Variants in HS3ST5 observed in about 807,000 individuals in gnomAD.
HS3ST5 encodes the protein heparan sulfate glucosamine 3-O-sulfotransferase 5.
Under a neutral mutation model 25.4 loss-of-function variants are expected in HS3ST5, and 10 were observed. That is an observed-to-expected ratio of 0.39 (90% confidence interval 0.24 to 0.67). The LOEUF (loss-of-function observed/expected upper bound fraction) is 0.67, where lower values mean the gene tolerates loss of function less well. HS3ST5 is among the 30% of genes least tolerant of loss of function. HS3ST5 has a pLI of 0.44. For missense variants in HS3ST5, 324 were observed against 420.7 expected, an observed-to-expected ratio of 0.77 and a Z score of 2.01; for synonymous variants, 170 against 162.4, an observed-to-expected ratio of 1.05 and a Z score of -0.36.
chr6:114,309,056 T>C (rs1369801410), intron 1 of HS3ST5, among the ~76,000 whole-genome samples: 1 of 152,156 alleles, frequency 6.6e-6, no homozygotes, highest in Non-Finnish European at 1.5e-5. Flanking sequence ...GGGACGTCAA[T>C]AATATAAAAT....
intron 4 of HS3ST5, among the ~76,000 whole-genome samples, chr6:114,061,177 C>T (rs2114703115): frequency 6.6e-6 from 1 of 152,262 alleles, no homozygotes; most frequent in East Asian, 1.9e-4. Context: ...CATTAGTGAT[C>T]ATTAGATCAA....
At chr6:114,166,679 T>C (rs1779227116) in intron 3 of HS3ST5, among the ~76,000 whole-genome samples, 1 of 152,152 alleles carries the variant, frequency 6.6e-6, no homozygotes. Flanking sequence ...TTAAATTGTG[T>C]TCGATGTTTC....
intron 3 of HS3ST5, among the ~76,000 whole-genome samples, chr6:114,090,927 T>C (rs1023012010): frequency 1.3e-5 from 2 of 152,228 alleles, no homozygotes; most frequent in African/African-American, 4.8e-5. Context: ...GGTGTTCACA[T>C]GTCTAGCTAT....
At chr6:114,301,360 G>T (rs913211177) in intron 1 of HS3ST5, among the ~76,000 whole-genome samples, 2 of 152,190 alleles carry the variant, frequency 1.3e-5, no homozygotes, top group Non-Finnish European at 2.9e-5. Context: ...AAATGAAAGT[G>T]TTGCACTGGA....
chr6:114,275,079 T>C (rs1773792027), intron 1 of HS3ST5, among the ~76,000 whole-genome samples: 1 of 151,902 alleles, frequency 6.6e-6, no homozygotes, highest in South Asian at 2.1e-4. Context: ...TGACTTCCCT[T>C]CTCCCCCTCT....
chr6:114,152,327 T>C (rs1264286557), intron 3 of HS3ST5, among the ~76,000 whole-genome samples: 1 of 152,186 alleles, frequency 6.6e-6, no homozygotes, highest in Non-Finnish European at 1.5e-5. Context: ...AAATTCACAC[T>C]TCTTTGTTTC....
intron 1 of HS3ST5, among the ~76,000 whole-genome samples, chr6:114,295,356 T>C (rs1245794584): frequency 6.6e-6 from 1 of 152,186 alleles, no homozygotes; most frequent in Admixed American, 6.5e-5. Flanking sequence ...GAGTCCTCAG[T>C]AAACTCAGGC....
intron 1 of HS3ST5, among the ~76,000 whole-genome samples, chr6:114,326,654 C>G (rs2114900349): frequency 6.6e-6 from 1 of 152,134 alleles, no homozygotes; most frequent in South Asian, 2.1e-4. Flanking sequence ...CATAATACTT[C>G]TTTTTAGTCA....
rs575811948 is a variant in HS3ST5 at position 114,214,096 on chromosome 6, G to A, written c.-145+14489C>T. On this transcript the variant is annotated intron_variant, in intron 2 of 4. Transcript: ENST00000312719. ...CTGCCTCTTTATGAAGCTTTATTTC[G>A]CCAACTGAAGTAAAGCTTTCTTTCT... 1.1e-4 allele frequency among the ~76,000 whole-genome samples: 16 copies of A among 152,052 alleles called. No individual in the cohort carries two copies. In the East Asian group the frequency reaches 2.5e-3, roughly 24 times the overall value.
At chr6:114,340,084 G>T (rs1454081849) in intron 1 of HS3ST5, among the ~76,000 whole-genome samples, 3 of 152,130 alleles carry the variant, frequency 2.0e-5, no homozygotes, top group African/African-American at 7.2e-5. Flanking sequence ...GAGTAAGAAG[G>T]TTATTCATTC....
At chr6:114,225,493 AG>A (rs1782249977) in intron 2 of HS3ST5, among the ~76,000 whole-genome samples, 1 of 151,832 alleles carries the variant, frequency 6.6e-6, no homozygotes, top group South Asian at 2.1e-4. Context: ...GTTCAGGCAA[AG>A]GTGAAAATAT....
intron 1 of HS3ST5, among the ~76,000 whole-genome samples, chr6:114,306,736 A>C (rs1582803838): frequency 6.6e-6 from 1 of 152,314 alleles, no homozygotes; most frequent in East Asian, 1.9e-4. Flanking sequence ...AAAGTGTATC[A>C]AGTGCTTTAC....
chr6:114,070,880 G>C (rs976422301), intron 3 of HS3ST5, among the ~76,000 whole-genome samples: 12 of 152,154 alleles, frequency 7.9e-5, no homozygotes, highest in Admixed American at 5.2e-4. Context: ...GTGTGTTTTA[G>C]ACTAACTTAT....
intron 1 of HS3ST5, among the ~76,000 whole-genome samples, chr6:114,307,626 CTT>C (rs1340850384): frequency 6.6e-6 from 1 of 151,826 alleles, no homozygotes; most frequent in African/African-American, 2.4e-5. Flanking sequence ...TGACTTATCT[CTT>C]TGTAAAGGTA....
chr6:114,143,730 G>GT (rs1778017811), intron 3 of HS3ST5: 1 of 152,364 alleles, frequency 6.6e-6, no homozygotes, highest in East Asian at 1.9e-4. Flanking sequence ...GCCTGACACA[G>GT]TCTCACAAGC....
chr6:114,299,652 G>A (rs113752141), intron 1 of HS3ST5, among the ~76,000 whole-genome samples: 5 of 151,962 alleles, frequency 3.3e-5, no homozygotes, highest in African/African-American at 7.3e-5. Flanking sequence ...AAGAACCTAC[G>A]TGACTATTGG....
chr6:114,233,460 C>CA (rs982411415), intron 1 of HS3ST5, among the ~76,000 whole-genome samples: 5 of 151,510 alleles, frequency 3.3e-5, no homozygotes, highest in African/African-American at 7.3e-5. Flanking sequence ...ATTACTCTGC[C>CA]AAAAAAAGGT....
At chr6:114,196,487 T>C (rs1015404923) in intron 2 of HS3ST5, among the ~76,000 whole-genome samples, 5 of 152,164 alleles carry the variant, frequency 3.3e-5, no homozygotes, top group Admixed American at 3.3e-4. Flanking sequence ...CTTACTTAAT[T>C]TCTTTGTGTT....
chr6:114,258,657 C>G (rs1044216835), intron 1 of HS3ST5, among the ~76,000 whole-genome samples: 1 of 152,078 alleles, frequency 6.6e-6, no homozygotes, highest in Non-Finnish European at 1.5e-5. Flanking sequence ...TCTTTTTGCC[C>G]CTTCTCCTTG....
Sources: allele counts gnomAD v4.1 joint callset (sites outside exome capture counted in the v4.1 genomes callset), GRCh38; gene constraint gnomAD v4.1.1; transcripts MANE v1.5; gene names NCBI Gene and HGNC (gene_info 2026-07-23, HGNC 2026-07-21).